Variants in ANAPC7 observed in about 807,000 individuals in gnomAD.
ANAPC7 encodes anaphase promoting complex subunit 7.
ANAPC7 carries 25 observed loss-of-function variants against 63.3 expected under a neutral mutation model. The ratio of observed to expected loss-of-function variants is 0.39; its 90% CI spans 0.29 to 0.55. The LOEUF is 0.55. Among genes scored for constraint, ANAPC7 ranks in the 20% least tolerant of loss-of-function variants. ANAPC7 has a pLI of 0.57. For missense variants in ANAPC7, 516 were observed against 691.7 expected (o/e 0.75, Z 2.85); for synonymous variants, 241 against 251.7 (o/e 0.96, Z 0.40).
At chr12:110,398,737 C>T (rs1194354642) in intron 1 of ANAPC7, among the ~76,000 whole-genome samples, 1 of 152,086 alleles carries the variant, frequency 6.6e-6, no homozygotes, top group African/African-American at 2.4e-5. Flanking sequence ...GTGGGTGGAT[C>T]ACCTAAGTTC....
At chr12:110,378,277 A>G (rs1180208475) in intron 8 of ANAPC7, among the ~76,000 whole-genome samples, 2 of 152,058 alleles carry the variant, frequency 1.3e-5, no homozygotes, top group African/African-American at 4.8e-5. Flanking sequence ...TATTTTTAGT[A>G]GAGACGGGGT....
chr12:110,388,498 G>A lies in ANAPC7; in HGVS notation c.520+14C>T. Reference sequence around the variant, plus strand: ...AGTAAACATGCCATGAAAACAGGCAGGAAATATCTCTACCTAGAATGGCAT... The same window carrying A: ...AGTAAACATGCCATGAAAACAGGCAAGAAATATCTCTACCTAGAATGGCAT... On this transcript the variant is annotated intron_variant, in intron 4 of 10. Transcript: ENST00000455511. The A allele has an allele frequency of 2.5e-6, 4 of 1,588,408 alleles. No homozygotes were observed. The highest frequency in any genetic ancestry group is 3.5e-6 in the Non-Finnish European group (4 of 1,157,212).
At chr12:110,377,650 T>C in intron 8 of ANAPC7, 33 bp from the exon 9 acceptor site, 1 of 1,612,850 alleles carries the variant, frequency 6.2e-7, no homozygotes. Context: ...AGACATTCAA[T>C]GCCATTACCA....
intron 5 of ANAPC7, 126 bp from the exon 6 acceptor site, chr12:110,386,595 A>G: frequency 1.0e-6 from 1 of 966,486 alleles, no homozygotes; most frequent in South Asian, 1.7e-5. Context: ...TTCGTAATAA[A>G]AAACTTTAAG....
intron 9 of ANAPC7, 98 bp downstream of exon 9, chr12:110,377,295 G>C (rs1881376794): frequency 2.9e-6 from 3 of 1,041,972 alleles, no homozygotes; most frequent in Admixed American, 4.1e-5. Context: ...GCACACACCT[G>C]TCTAGTCATC....
intron 3 of ANAPC7, among the ~76,000 whole-genome samples, chr12:110,394,669 C>CAAAAAAAAAAAAAAAAAAAAAAAAAAAAA (rs779142936): frequency 2.3e-5 from 1 of 42,788 alleles, no homozygotes; most frequent in African/African-American, 1.1e-4. Flanking sequence ...AATTCCACCT[C>CAAAAAAAAAAAAAAAAAAAAAAAAAAAAA]AAAAAAAAAA....
chr12:110,402,740 C>T (rs2062250023), intron 1 of ANAPC7, among the ~76,000 whole-genome samples: 2 of 151,966 alleles, frequency 1.3e-5, no homozygotes, highest in Admixed American at 1.3e-4. Context: ...TGGAGTCTCC[C>T]GTTTCCTTTT....
chr12:110,374,240 G>T lies in ANAPC7; in HGVS notation c.1602C>A (p.Asp534Glu). 6.2e-7 allele frequency: 1 copy of T among 1,613,994 alleles called. No individual in the cohort carries two copies. Among genetic ancestry groups the T allele is most frequent in the Non-Finnish European group, 8.5e-7 (1 of 1,180,008 alleles). ...PTDATQEEDV[D>E]DMEGSGEEGD... ...CTTCTTCCCCACTCCCTTCCATGTC[G>T]TCCACATCCTCCTCCTGAGTGGCAT... The change falls in exon 11 of 11, where the codon GAC becomes GAA. Residue 534 changes from aspartate to glutamate, a missense_variant. By Grantham distance (45) the Asp-to-Glu change is conservative. This residue lies in a region of ANAPC7 where 122 missense variants were observed against 212.0 expected (regional missense o/e 0.58). Coordinates refer to ENST00000455511, the MANE Select transcript of ANAPC7 (RefSeq NM_016238.3).
intron 10 of ANAPC7, among the ~76,000 whole-genome samples, chr12:110,375,279 T>C (rs944033476): frequency 6.6e-6 from 1 of 152,268 alleles, no homozygotes; most frequent in South Asian, 2.1e-4. Flanking sequence ...CCTTAGCACA[T>C]GGCATGGCCA....
chr12:110,377,309 A>G, intron 9 of ANAPC7, 84 bp downstream of exon 9: 1 of 1,198,466 alleles, frequency 8.3e-7, no homozygotes, highest in South Asian at 1.4e-5. Context: ...AGTCATCTGT[A>G]ACTAGCTGGG....
intron 5 of ANAPC7, chr12:110,387,231 GAGAGAGACAGAGAGACAGAGAGAC>G (rs1566268579): frequency 7.8e-6 from 1 of 127,570 alleles, no homozygotes; most frequent in South Asian, 2.8e-4. Context: ...GAGAGAGAGA[GAGAGAGACAGAGAGACAGAGAGAC>G]AGAGAGAGAG....
chr12:110,378,334 T>G (rs1383343187), intron 8 of ANAPC7, among the ~76,000 whole-genome samples: 3 of 152,224 alleles, frequency 2.0e-5, no homozygotes, highest in Admixed American at 1.3e-4. Context: ...CCTCAGGTGA[T>G]CCGCCCAGCT....
intron 3 of ANAPC7, among the ~76,000 whole-genome samples, chr12:110,389,273 T>C (rs1156247121): frequency 6.6e-6 from 1 of 152,140 alleles, no homozygotes; most frequent in African/African-American, 2.4e-5. Context: ...TTAACTTGAT[T>C]CTTTCTTGAT....
chr12:110,374,004 T>G lies in ANAPC7; in HGVS notation c.*140A>C, dbSNP rs2137909803. 1 of 945,404 alleles carries G rather than the reference T, an allele frequency of 1.1e-6. No individual in the cohort carries two copies. Among genetic ancestry groups the G allele is most frequent in the East Asian group, 2.7e-5 (1 of 37,190 alleles). The allele number at this position is 945,404 out of a possible 1,614,324, so 58.6% of individuals were successfully genotyped here. ...TAGAAATGAAGTCACGACTAGGAAT[T>G]GGGAGCGAGGGGGCAGAGACCCCTG... On this transcript the variant is annotated 3_prime_UTR_variant, in exon 11 of 11. Coordinates refer to ENST00000455511, the MANE Select transcript of ANAPC7 (RefSeq NM_016238.3).
At chr12:110,395,643 T>C (rs898949926) in intron 2 of ANAPC7, among the ~76,000 whole-genome samples, 1 of 151,342 alleles carries the variant, frequency 6.6e-6, no homozygotes. Context: ...CCCAGGCTGG[T>C]GTCTCCTGCC....
At position 110,373,123 on chromosome 12, in the gene ANAPC7, AG is replaced by A. The variant is rs1385819730; in HGVS notation, c.*1020del. The A allele has an allele frequency of 6.6e-6, 1 of 152,082 alleles. No individual in the cohort carries two copies. Among genetic ancestry groups the A allele is most frequent in the Non-Finnish European group, 1.5e-5 (1 of 68,026 alleles). The allele number at this position is 152,082 out of a possible 1,614,324, so 9.4% of individuals were successfully genotyped here. A position where few individuals can be genotyped will look rare whatever the true frequency, so the allele number is the denominator to read the frequency against. Reference sequence around the variant, plus strand: ...CATCGCAACTTAAGGCACAAGGGAGAGGGTGTGGGAAGAAACTCCCAGCCCC... The same window carrying A: ...CATCGCAACTTAAGGCACAAGGGAGAGGTGTGGGAAGAAACTCCCAGCCCC... On this transcript the variant is annotated 3_prime_UTR_variant, in exon 11 of 11. Transcript: ENST00000455511.
chr12:110,375,808 A>G, intron 10 of ANAPC7: 4 of 1,149,332 alleles, frequency 3.5e-6, no homozygotes, highest in Non-Finnish European at 4.3e-6. Flanking sequence ...ACAGAAGATG[A>G]GCTATACAAA....
chr12:110,378,077 C>T (rs1004700857), intron 8 of ANAPC7: 1 of 161,682 alleles, frequency 6.2e-6, no homozygotes, highest in African/African-American at 2.4e-5. Flanking sequence ...AGATGGAAGA[C>T]TCCTAGGGTC....
chr12:110,393,776 A>G (rs901709998), intron 3 of ANAPC7, among the ~76,000 whole-genome samples: 12 of 151,170 alleles, frequency 7.9e-5, no homozygotes, highest in Admixed American at 3.3e-4. Flanking sequence ...CTGAGGCAGG[A>G]GAACTGCTTG....
Sources: allele counts gnomAD v4.1 joint callset (sites outside exome capture counted in the v4.1 genomes callset), GRCh38; gene constraint gnomAD v4.1.1; regional missense constraint gnomAD v4.1.1; transcripts MANE v1.5; gene names NCBI Gene and HGNC (gene_info 2026-07-23, HGNC 2026-07-21).